Variants in PTPRD observed in about 807,000 individuals in gnomAD.
PTPRD encodes the protein protein tyrosine phosphatase receptor type D.
Under a neutral mutation model 214.5 loss-of-function variants are expected in PTPRD, and 34 were observed. The observed-to-expected ratio is 0.16, with a 90% confidence interval of 0.12 to 0.21. The LOEUF is 0.21. Ranked by LOEUF, PTPRD falls within the 10% of genes least tolerant of loss-of-function variation. PTPRD has a pLI of 1.00. For missense variants in PTPRD, 2,545 were observed against 2,398.7 expected, an observed-to-expected ratio of 1.06 and a Z score of -1.27; for synonymous variants, 1,128 against 845.7, an observed-to-expected ratio of 1.33 and a Z score of -5.79.
At chr9:9,405,075 C>T (rs1315145268) in intron 8 of PTPRD, among the ~76,000 whole-genome samples, 1 of 152,026 alleles carries the variant, frequency 6.6e-6, no homozygotes, top group Non-Finnish European at 1.5e-5. Flanking sequence ...TTTATTATTC[C>T]AGACACTAAG....
chr9:8,405,477 A>G (rs961746618), intron 35 of PTPRD, among the ~76,000 whole-genome samples: 6 of 152,128 alleles, frequency 3.9e-5, no homozygotes, highest in Non-Finnish European at 7.4e-5. Context: ...TCAAACAGGT[A>G]TATAAAGTAT....
intron 39 of PTPRD, among the ~76,000 whole-genome samples, chr9:8,371,461 T>G (rs2134413491): frequency 6.6e-6 from 1 of 152,130 alleles, no homozygotes; most frequent in Admixed American, 6.6e-5. Context: ...ATAGCTAAAC[T>G]TGCACAGTGT....
intron 3 of PTPRD, among the ~76,000 whole-genome samples, chr9:10,190,538 C>T (rs976512283): frequency 6.7e-5 from 10 of 150,080 alleles, no homozygotes; most frequent in Non-Finnish European, 1.3e-4. Flanking sequence ...GCCAACATGG[C>T]GAAACCCCAT....
At chr9:8,592,947 T>C (rs1231205224) in intron 14 of PTPRD, among the ~76,000 whole-genome samples, 2 of 152,092 alleles carry the variant, frequency 1.3e-5, no homozygotes, top group Admixed American at 6.5e-5. Context: ...TAAACAAATA[T>C]GAAAGCAATT....
At chr9:10,057,856 A>AG (rs1003709381) in intron 3 of PTPRD, among the ~76,000 whole-genome samples, 4 of 141,450 alleles carry the variant, frequency 2.8e-5, no homozygotes, top group South Asian at 4.5e-4. Flanking sequence ...AAAAACAAAA[A>AG]AAAAACAAAA....
chr9:9,323,897 T>C (rs1968144175), intron 9 of PTPRD, among the ~76,000 whole-genome samples: 1 of 152,276 alleles, frequency 6.6e-6, no homozygotes, highest in South Asian at 2.1e-4. Context: ...TGTCCAAGTG[T>C]TCTCATTGTT....
intron 2 of PTPRD, among the ~76,000 whole-genome samples, chr9:10,358,103 A>G (rs75520839): frequency 0.015 from 2,289 of 152,218 alleles, 22 homozygotes; most frequent in Middle Eastern, 0.054. Flanking sequence ...ATAGAGGACA[A>G]AACCCTGATC....
chr9:10,160,951 A>C (rs1182707490), intron 3 of PTPRD, among the ~76,000 whole-genome samples: 1 of 151,910 alleles, frequency 6.6e-6, no homozygotes, highest in Non-Finnish European at 1.5e-5. Flanking sequence ...AGAAATCAAT[A>C]AAACAATCCC....
intron 9 of PTPRD, among the ~76,000 whole-genome samples, chr9:9,359,377 G>C (rs998460454): frequency 1.1e-4 from 17 of 151,256 alleles, no homozygotes; most frequent in African/African-American, 3.9e-4. Context: ...TGGTATGCAT[G>C]ACTTCACATT....
At chr9:10,476,037 G>C (rs1005198712) in intron 2 of PTPRD, among the ~76,000 whole-genome samples, 5 of 152,012 alleles carry the variant, frequency 3.3e-5, no homozygotes, top group Non-Finnish European at 5.9e-5. Flanking sequence ...TACTGAATGG[G>C]GAAAAGCTGG....
Position 8,693,322 on chromosome 9 carries a change from A to T in PTPRD, c.64+40458T>A, listed in dbSNP as rs375063883. On this transcript the variant is annotated intron_variant, in intron 12 of 45. Transcript: ENST00000381196. ...GACTTGAAAGAAACTCCCACACGGG[A>T]TCATTCACTTTCCTCTCATGACAAA... 6.2e-4 allele frequency among the ~76,000 whole-genome samples: 95 copies of T among 152,302 alleles called. 1 individual carries two copies. The highest frequency in any genetic ancestry group is 2.2e-3 in the African/African-American group (91 of 41,570).
At position 9,533,220 on chromosome 9, in the gene PTPRD, C is replaced by T. The variant is rs1226858058; in HGVS notation, c.-237+41512G>A. On this transcript the variant is annotated intron_variant, in intron 8 of 45. Coordinates refer to ENST00000381196, the MANE Select transcript of PTPRD (RefSeq NM_002839.4). ...CCCAAACAGTCCATAGATATCAAAC[C>T]TGCTGGCAATTTATAAATGATTATT... Among the ~76,000 whole-genome samples the T allele has an allele frequency of 3.3e-5, 5 of 152,136 alleles. No homozygotes were observed. In the East Asian group the frequency reaches 7.8e-4, roughly 24 times the overall value.
At chr9:10,551,709 C>T (rs1181652744) in intron 2 of PTPRD, among the ~76,000 whole-genome samples, 1 of 152,160 alleles carries the variant, frequency 6.6e-6, no homozygotes, top group Non-Finnish European at 1.5e-5. Flanking sequence ...CAGTCTATGG[C>T]ATTTTGCTAC....
intron 9 of PTPRD, among the ~76,000 whole-genome samples, chr9:9,190,264 T>A (rs888827128): frequency 1.3e-5 from 2 of 151,998 alleles, no homozygotes; most frequent in Non-Finnish European, 2.9e-5. Context: ...TTTGACTGTG[T>A]CCCCACCCAA....
chr9:10,012,767 G>C (rs895822577), intron 4 of PTPRD, among the ~76,000 whole-genome samples: 8 of 151,920 alleles, frequency 5.3e-5, no homozygotes, highest in African/African-American at 1.9e-4. Context: ...GTGTGTTCTT[G>C]ATAGAAAGAT....
chr9:8,507,053 C>T (rs1489944677), intron 22 of PTPRD, among the ~76,000 whole-genome samples: 2 of 152,022 alleles, frequency 1.3e-5, no homozygotes, highest in African/African-American at 2.4e-5. Flanking sequence ...CACATTCCAA[C>T]AGGAACAAGA....
chr9:10,519,053 C>A (rs1291707967), intron 2 of PTPRD, among the ~76,000 whole-genome samples: 1 of 151,758 alleles, frequency 6.6e-6, no homozygotes, highest in Non-Finnish European at 1.5e-5. Flanking sequence ...TCCCAGCTTT[C>A]TGATACTACA....
At chr9:9,695,783 T>C (rs1317710443) in intron 7 of PTPRD, among the ~76,000 whole-genome samples, 1 of 152,162 alleles carries the variant, frequency 6.6e-6, no homozygotes, top group East Asian at 1.9e-4. Context: ...TTTTAATGTG[T>C]TGTTGAATTA....
At chr9:9,711,693 G>A (rs1398138146) in intron 7 of PTPRD, among the ~76,000 whole-genome samples, 2 of 152,158 alleles carry the variant, frequency 1.3e-5, no homozygotes, top group Non-Finnish European at 2.9e-5. Context: ...GAACTGGCTA[G>A]TTACTACTAC....
Sources: allele counts gnomAD v4.1 joint callset (sites outside exome capture counted in the v4.1 genomes callset), GRCh38; gene constraint gnomAD v4.1.1; transcripts MANE v1.5; gene names NCBI Gene and HGNC (gene_info 2026-07-23, HGNC 2026-07-21).